NEXMIF: variants seen among roughly 807,000 people sequenced by gnomAD.
NEXMIF encodes the protein neurite extension and migration factor, also known as XLMR protein related to neurite extension.
In NEXMIF, 8 loss-of-function variants were observed where a neutral mutation model predicts 62.1. The observed-to-expected ratio is 0.13, with a 90% CI of 0.08 to 0.23. The LOEUF is 0.23. Ranked by LOEUF, NEXMIF falls within the 10% of genes least tolerant of loss-of-function variation. NEXMIF has a pLI of 1.00. For missense variants in NEXMIF, 976 were observed against 1,113.3 expected, an observed-to-expected ratio of 0.88 and a Z score of 1.75; for synonymous variants, 404 against 416.6, an observed-to-expected ratio of 0.97 and a Z score of 0.37.
At chrX:74,883,217 G>A (rs933078112) in intron 1 of NEXMIF, among the ~76,000 whole-genome samples, 1 of 111,414 alleles carries the variant, frequency 9.0e-6, no homozygotes, top group African/African-American at 3.3e-5. Context: ...CAGAAAAACC[G>A]GAAACTCTAA....
At chrX:74,869,301 TG>T (rs2080591735) in intron 1 of NEXMIF, among the ~76,000 whole-genome samples, 1 of 110,976 alleles carries the variant, frequency 9.0e-6, no homozygotes. Flanking sequence ...CTCAAAAAAC[TG>T]GGGATAGAAG....
chrX:74,741,495 T>C lies in NEXMIF; in HGVS notation c.3062A>G (p.Asp1021Gly). 1 of 1,211,553 alleles carries C rather than the reference T, an allele frequency of 8.3e-7. No homozygotes were observed. Among genetic ancestry groups the C allele is most frequent in the Non-Finnish European group, 1.1e-6 (1 of 895,369 alleles). Residue 1021 changes from aspartate to glycine, a missense_variant, in exon 3 of 4, where the codon GAT becomes GGT. Asp to Gly is a moderately conservative substitution (Grantham distance 94, BLOSUM62 -1). Transcript: ENST00000055682. ...ATGGGCCAGGAAGTCATCAGTGATA[T>C]CATCATCGCCATCCTTTTCACAGGA... ...LKSCEKDGDD[D>G]ITDDFLAHCS...
chrX:74,870,148 G>C (rs191722029), intron 1 of NEXMIF, among the ~76,000 whole-genome samples: 28 of 111,303 alleles, frequency 2.5e-4, no homozygotes, highest in Non-Finnish European at 5.1e-4. Context: ...GAACAGAATA[G>C]AGAACCTCAA....
Position 74,733,327 on chromosome X carries a change from T to A in NEXMIF, c.*6078A>T, listed in dbSNP as rs1195878011. ...GTTATGTTTATCTCGAAATGTAATT[T>A]TACATGTTAAATCTAATACATTTGG... On this transcript the variant is annotated 3_prime_UTR_variant, in exon 4 of 4. Transcript: ENST00000055682. 1.8e-5 allele frequency: 2 copies of A among 112,263 alleles called. No individual in the cohort carries two copies. Among genetic ancestry groups the A allele is most frequent in the Non-Finnish European group, 3.8e-5 (2 of 53,276 alleles). The allele number at this position is 112,263 out of a possible 1,213,427, so 9.3% of individuals were successfully genotyped here.
At chrX:74,862,529 T>C (rs1050795697) in intron 1 of NEXMIF, among the ~76,000 whole-genome samples, 1 of 111,033 alleles carries the variant, frequency 9.0e-6, no homozygotes, top group Non-Finnish European at 1.9e-5. Flanking sequence ...CACAACAGAA[T>C]ATACATTCTT....
chrX:74,879,144 G>A (rs1188142088), intron 1 of NEXMIF, among the ~76,000 whole-genome samples: 3 of 112,405 alleles, frequency 2.7e-5, no homozygotes, highest in African/African-American at 9.7e-5. Context: ...ATACCACATA[G>A]CCTAAGTGTG....
intron 1 of NEXMIF, among the ~76,000 whole-genome samples, chrX:74,924,285 G>A (rs1404866869): frequency 8.9e-6 from 1 of 111,784 alleles, no homozygotes; most frequent in Non-Finnish European, 1.9e-5. Flanking sequence ...GCGCGAAGGG[G>A]CCACAAGCCA....
At chrX:74,769,849 G>C in intron 1 of NEXMIF, 1 of 378,201 alleles carries the variant, frequency 2.6e-6, no homozygotes, top group Non-Finnish European at 4.6e-6. Context: ...TCCTGATCAA[G>C]ATACACTGTA....
intron 1 of NEXMIF, among the ~76,000 whole-genome samples, chrX:74,849,899 G>A (rs2080507009): frequency 9.0e-6 from 1 of 111,428 alleles, no homozygotes. Flanking sequence ...GCCTATTACT[G>A]CTACCAATGA....
At chrX:74,833,971 C>A (rs975574570) in intron 1 of NEXMIF, among the ~76,000 whole-genome samples, 14 of 109,029 alleles carry the variant, frequency 1.3e-4, no homozygotes, top group Non-Finnish European at 2.7e-4. Flanking sequence ...CCCATCTCTA[C>A]TAAAAATACA....
chrX:74,886,192 A>C (rs1383442884), intron 1 of NEXMIF, among the ~76,000 whole-genome samples: 1 of 111,884 alleles, frequency 8.9e-6, no homozygotes, highest in Non-Finnish European at 1.9e-5. Flanking sequence ...AGCCAATATC[A>C]TACTGAATGG....
At position 74,760,461 on chromosome X, in the gene NEXMIF, G is replaced by A. The variant is rs180909140; in HGVS notation, c.-47-14764C>T. ...CGGTGAGGGAGGACATCCTTGTCTT[G>A]TGCCAGTTTTCAATGGAAATGCTTC... On this transcript the variant is annotated intron_variant, in intron 1 of 3. Transcript: ENST00000055682. Among the ~76,000 whole-genome samples the A allele has an allele frequency of 3.3e-3, 369 of 112,045 alleles. 2 individuals carry two copies. Among genetic ancestry groups the A allele is most frequent in the African/African-American group, 0.011 (353 of 30,858 alleles).
At chrX:74,809,420 C>T (rs2080354285) in intron 1 of NEXMIF, among the ~76,000 whole-genome samples, 1 of 112,056 alleles carries the variant, frequency 8.9e-6, no homozygotes, top group South Asian at 3.7e-4. Context: ...GCTGATCCTG[C>T]ACTCATAGGA....
At chrX:74,846,049 C>G (rs1569354219) in intron 1 of NEXMIF, among the ~76,000 whole-genome samples, 1 of 112,285 alleles carries the variant, frequency 8.9e-6, no homozygotes, top group African/African-American at 3.2e-5. Flanking sequence ...TATTAGCATC[C>G]ATTGTAATTA....
At chrX:74,910,515 G>T (rs774029412) in intron 1 of NEXMIF, among the ~76,000 whole-genome samples, 1 of 111,844 alleles carries the variant, frequency 8.9e-6, no homozygotes, top group South Asian at 3.7e-4. Flanking sequence ...GAAGGGACTT[G>T]CCTTGTCTTA....
intron 1 of NEXMIF, among the ~76,000 whole-genome samples, chrX:74,805,677 G>T (rs1421605985): frequency 3.6e-5 from 4 of 111,436 alleles, no homozygotes; most frequent in African/African-American, 1.3e-4. Flanking sequence ...TAATAAGTAG[G>T]GGTCCAGTTT....
Position 74,742,353 on chromosome X carries a change from G to T in NEXMIF, c.2204C>A (p.Ala735Asp), listed in dbSNP as rs2080108827. 8.3e-7 allele frequency: 1 copy of T among 1,209,131 alleles called. No individual in the cohort carries two copies. The highest frequency in any genetic ancestry group is 1.8e-5 in the African/African-American group (1 of 57,137). The change falls in exon 3 of 4, where the codon GCT becomes GAT. Residue 735 changes from alanine (A) to aspartate (D), a missense_variant. Physicochemically the swap from Ala to Asp is moderately radical, Grantham distance 126. This residue lies in a region of NEXMIF where 639 missense variants were observed against 694.5 expected (regional missense o/e 0.92). Transcript: ENST00000055682. ...EARLKSKKVK[A>D]AGQESKPIVQ... The stretch of plus-strand genomic sequence containing the variant: ...AATTGGCTTGCTTTCTTGCCCAGCA[G>T]CTTTGACTTTCTTAGATTTTAACCT...
chrX:74,757,933 C>T (rs1456025889), intron 1 of NEXMIF, among the ~76,000 whole-genome samples: 3 of 111,820 alleles, frequency 2.7e-5, no homozygotes, highest in African/African-American at 9.8e-5. Context: ...AGGGAAATAA[C>T]CTTTTAATCC....
intron 1 of NEXMIF, among the ~76,000 whole-genome samples, chrX:74,883,752 T>C (rs897337930): frequency 3.6e-5 from 4 of 111,567 alleles, no homozygotes; most frequent in African/African-American, 1.3e-4. Context: ...ACTTCCCCAA[T>C]CTAGCAAAGC....
Sources: gnomAD v4.1 joint callset for allele counts (sites outside exome capture counted in the v4.1 genomes callset) on GRCh38, gnomAD v4.1.1 for gene constraint, gnomAD v4.1.1 regional missense constraint, MANE v1.5 for transcripts, NCBI Gene and HGNC (gene_info 2026-07-23, HGNC 2026-07-21) for gene names.